Variants in NRXN1 observed in about 807,000 individuals in gnomAD.
NRXN1 encodes neurexin-1.
A neutral mutation model predicts 150.9 loss-of-function variants in NRXN1; 39 were observed. The observed-to-expected ratio is 0.26, with a 90% CI of 0.20 to 0.34. NRXN1 has a LOEUF of 0.34. Ranked by LOEUF, NRXN1 falls within the 10% of genes least tolerant of loss-of-function variation. The pLI is 1.00. For missense variants in NRXN1, 1,815 were observed against 1,949.9 expected, an observed-to-expected ratio of 0.93 and a Z score of 1.30; for synonymous variants, 924 against 757.0, an observed-to-expected ratio of 1.22 and a Z score of -3.62.
intron 2 of NRXN1, among the ~76,000 whole-genome samples, chr2:50,943,766 G>T (rs977079004): frequency 2.0e-5 from 3 of 149,840 alleles, no homozygotes; most frequent in African/African-American, 7.3e-5. Flanking sequence ...CAAAGGTAAA[G>T]AAAAATGTAA....
intron 18 of NRXN1, among the ~76,000 whole-genome samples, chr2:50,220,220 C>T (rs1234581892): frequency 6.6e-6 from 1 of 150,894 alleles, no homozygotes; most frequent in Non-Finnish European, 1.5e-5. Flanking sequence ...ATTATTTTCA[C>T]TATACTGTGA....
intron 17 of NRXN1, among the ~76,000 whole-genome samples, chr2:50,352,647 G>C (rs1402047023): frequency 6.6e-6 from 1 of 151,732 alleles, no homozygotes; most frequent in Non-Finnish European, 1.5e-5. Flanking sequence ...AGACTCAGAA[G>C]AGGGTTTGTT....
intron 17 of NRXN1, among the ~76,000 whole-genome samples, chr2:50,399,343 A>T (rs974401450): frequency 2.1e-4 from 32 of 152,040 alleles, no homozygotes; most frequent in African/African-American, 7.2e-4. Context: ...AATATTTTCA[A>T]ATGTTTCTGG....
chr2:50,534,262 A>G (rs1456457777), intron 10 of NRXN1, among the ~76,000 whole-genome samples: 1 of 152,172 alleles, frequency 6.6e-6, no homozygotes, highest in Non-Finnish European at 1.5e-5. Context: ...AATATGTAAT[A>G]AGGTCCACTT....
intron 18 of NRXN1, among the ~76,000 whole-genome samples, chr2:50,206,683 G>T (rs956597979): frequency 2.0e-5 from 3 of 151,898 alleles, no homozygotes; most frequent in African/African-American, 7.2e-5. Flanking sequence ...GGAAGGTTTT[G>T]TTTTGTTTTG....
intron 19 of NRXN1, among the ~76,000 whole-genome samples, chr2:50,082,746 A>G (rs1292591140): frequency 6.6e-6 from 1 of 152,106 alleles, no homozygotes; most frequent in Admixed American, 6.6e-5. Context: ...TTGTTTTCTG[A>G]TAGTGATAAT....
At chr2:50,219,706 G>A (rs1419184252) in intron 18 of NRXN1, among the ~76,000 whole-genome samples, 1 of 150,228 alleles carries the variant, frequency 6.7e-6, no homozygotes, top group African/African-American at 2.5e-5. Context: ...GGGCAACATG[G>A]TGAGACCCCA....
intron 18 of NRXN1, among the ~76,000 whole-genome samples, chr2:50,168,172 G>C (rs1344298401): frequency 1.3e-5 from 2 of 152,122 alleles, no homozygotes. Flanking sequence ...AGTGACCCAG[G>C]GATGTTCATG....
chr2:50,648,780 C>A (rs567622209), intron 5 of NRXN1, among the ~76,000 whole-genome samples: 1 of 151,884 alleles, frequency 6.6e-6, no homozygotes, highest in African/African-American at 2.4e-5. Flanking sequence ...GCTTCTACCC[C>A]ACTTCTACCC....
intron 5 of NRXN1, chr2:50,829,812 T>A: frequency 1.4e-6 from 2 of 1,410,648 alleles, no homozygotes; most frequent in Non-Finnish European, 1.9e-6. Flanking sequence ...TAACTTTTGG[T>A]AACATAATAT....
intron 5 of NRXN1, among the ~76,000 whole-genome samples, chr2:50,649,259 T>TATAC (rs1553925669): frequency 3.5e-5 from 5 of 143,330 alleles, no homozygotes; most frequent in African/African-American, 1.3e-4. Flanking sequence ...CATACACACA[T>TATAC]ACACACACAC....
chr2:50,161,677 T>A (rs954245488), intron 18 of NRXN1, among the ~76,000 whole-genome samples: 1 of 152,186 alleles, frequency 6.6e-6, no homozygotes, highest in Non-Finnish European at 1.5e-5. Flanking sequence ...TTATCTGCAC[T>A]GACAGTCAGC....
intron 8 of NRXN1, among the ~76,000 whole-genome samples, chr2:50,557,995 C>T (rs955008282): frequency 2.0e-5 from 3 of 152,088 alleles, no homozygotes; most frequent in African/African-American, 4.8e-5. Context: ...GCTAGCTAAC[C>T]TAGGAGTTGT....
chr2:50,618,178 T>C (rs939757654), intron 8 of NRXN1, among the ~76,000 whole-genome samples: 4 of 152,276 alleles, frequency 2.6e-5, no homozygotes, highest in East Asian at 1.9e-4. Context: ...GTACAGGTGA[T>C]TGGGGATGCG....
At chr2:50,496,126 C>T (rs1196415411) in intron 14 of NRXN1, 31 bp from the exon 15 acceptor site, 13 of 1,531,438 alleles carry the variant, frequency 8.5e-6, no homozygotes, top group Non-Finnish European at 8.9e-6. Context: ...GGGAAAGTGC[C>T]ATCACTTTTT....
At chr2:50,710,067 G>A (rs536818140) in intron 5 of NRXN1, among the ~76,000 whole-genome samples, 1 of 152,234 alleles carries the variant, frequency 6.6e-6, no homozygotes, top group Admixed American at 6.5e-5. Flanking sequence ...GAATAAACAA[G>A]ATTTTCCTAT....
chr2:50,366,326 T>C (rs940924050), intron 17 of NRXN1, among the ~76,000 whole-genome samples: 1 of 151,980 alleles, frequency 6.6e-6, no homozygotes, highest in African/African-American at 2.4e-5. Flanking sequence ...GTAGTATCTA[T>C]ATAGAAACAC....
At position 49,988,635 on chromosome 2, in the gene NRXN1, A is replaced by G. The variant is rs1032880320; in HGVS notation, c.4129-44844T>C. ...GTTAACTATTAAAAAAAAAAAAAAA[A>G]AAAAGCCCTGAAGCCTGCCTATTCA... On this transcript the variant is annotated intron_variant, in intron 21 of 22. Coordinates refer to ENST00000401669, the MANE Select transcript of NRXN1 (RefSeq NM_001330078.2). Among the ~76,000 whole-genome samples the G allele has an allele frequency of 2.5e-3, 331 of 130,484 alleles. 2 individuals carry two copies. The highest frequency in any genetic ancestry group is 3.7e-3 in the Non-Finnish European group (213 of 57,898). 85.6% of individuals were successfully genotyped at this position (130,484 alleles called of 152,430 possible).
At chr2:50,899,125 A>G (rs1033468763) in intron 5 of NRXN1, among the ~76,000 whole-genome samples, 1 of 152,138 alleles carries the variant, frequency 6.6e-6, no homozygotes, top group Non-Finnish European at 1.5e-5. Flanking sequence ...CGCTAAAATA[A>G]ATGAACGATA....
Sources: allele counts gnomAD v4.1 joint callset (sites outside exome capture counted in the v4.1 genomes callset), GRCh38; gene constraint gnomAD v4.1.1; transcripts MANE v1.5; gene names NCBI Gene and HGNC (gene_info 2026-07-23, HGNC 2026-07-21).